GPC6: variants seen among roughly 807,000 people sequenced by gnomAD.
The protein encoded by GPC6 is glypican 6.
In GPC6, 14 loss-of-function variants were observed where a neutral mutation model predicts 55.2. The ratio of observed to expected loss-of-function variants is 0.25; its 90% CI spans 0.17 to 0.40. The LOEUF is 0.40. GPC6 is among the 10% of genes least tolerant of loss of function. The probability of loss-of-function intolerance (pLI) is 1.00; values close to 1 mark genes in which losing one functional copy is unlikely to be tolerated. For synonymous variants in GPC6, 278 were observed against 259.6 expected (o/e 1.07, Z -0.68); for missense variants, 641 against 708.5 (o/e 0.90, Z 1.08).
chr13:93,580,945 TG>T (rs1488282327), intron 2 of GPC6, among the ~76,000 whole-genome samples: 3 of 152,088 alleles, frequency 2.0e-5, no homozygotes. Flanking sequence ...AATATAAAAG[TG>T]TTTTTTTTAA....
intron 1 of GPC6, among the ~76,000 whole-genome samples, chr13:93,533,590 G>A (rs1294322454): frequency 3.3e-5 from 5 of 152,248 alleles, no homozygotes; most frequent in Admixed American, 6.5e-5. Flanking sequence ...TGATCAATTG[G>A]AATTTGGTGT....
At chr13:93,879,872 AAAAC>A (rs1282173179) in intron 3 of GPC6, among the ~76,000 whole-genome samples, 3 of 152,042 alleles carry the variant, frequency 2.0e-5, no homozygotes, top group South Asian at 4.1e-4. Flanking sequence ...TTACAAGAAA[AAAAC>A]AAACAACCCC....
chr13:94,123,551 T>C (rs1886706422), intron 4 of GPC6, among the ~76,000 whole-genome samples: 2 of 152,120 alleles, frequency 1.3e-5, no homozygotes, highest in East Asian at 3.9e-4. Context: ...TCTTGGTTAC[T>C]AAGATATGAT....
intron 4 of GPC6, among the ~76,000 whole-genome samples, chr13:94,144,879 A>C (rs1928124): frequency 0.1 from 15,151 of 152,102 alleles, 854 homozygotes; most frequent in Middle Eastern, 0.18. Flanking sequence ...AATTTTATAC[A>C]TTTAAATTTA....
intron 1 of GPC6, among the ~76,000 whole-genome samples, chr13:93,531,343 G>T (rs1389789161): frequency 6.6e-6 from 1 of 152,088 alleles, no homozygotes; most frequent in Admixed American, 6.6e-5. Context: ...CTCATGTGGT[G>T]TAAGACTGTG....
chr13:93,960,682 C>A (rs745795003), intron 3 of GPC6, among the ~76,000 whole-genome samples: 1 of 152,014 alleles, frequency 6.6e-6, no homozygotes, highest in Non-Finnish European at 1.5e-5. Flanking sequence ...TTTTTTCCAT[C>A]TCATTTGGTT....
intron 1 of GPC6, among the ~76,000 whole-genome samples, chr13:93,488,247 G>A (rs748954344): frequency 7.9e-5 from 12 of 152,068 alleles, no homozygotes; most frequent in Non-Finnish European, 1.6e-4. Context: ...GCGATAGTTT[G>A]CTCATAATGA....
chr13:93,553,275 A>G (rs936625424), intron 2 of GPC6, among the ~76,000 whole-genome samples: 9 of 152,328 alleles, frequency 5.9e-5, no homozygotes, highest in Admixed American at 3.9e-4. Flanking sequence ...AAGATAGTAA[A>G]GCCATAAGAA....
chr13:93,435,188 CACT>C (rs1877521408), intron 1 of GPC6, among the ~76,000 whole-genome samples: 1 of 152,130 alleles, frequency 6.6e-6, no homozygotes, highest in Non-Finnish European at 1.5e-5. Context: ...AGCCATAGCT[CACT>C]ACATCTTTGA....
At chr13:93,240,904 GT>G (rs1163160543) in intron 1 of GPC6, among the ~76,000 whole-genome samples, 3 of 152,036 alleles carry the variant, frequency 2.0e-5, no homozygotes, top group Non-Finnish European at 4.4e-5. Context: ...ATGAAACTAA[GT>G]TTTGCACCAT....
chr13:93,436,252 G>A (rs2139281821), intron 1 of GPC6, among the ~76,000 whole-genome samples: 1 of 152,194 alleles, frequency 6.6e-6, no homozygotes, highest in African/African-American at 2.4e-5. Context: ...AAATGACATT[G>A]AAATCATCTG....
At chr13:93,418,259 G>T (rs1330080660) in intron 1 of GPC6, among the ~76,000 whole-genome samples, 1 of 151,216 alleles carries the variant, frequency 6.6e-6, no homozygotes, top group African/African-American at 2.4e-5. Flanking sequence ...AACCCCTCAA[G>T]CATTTATCCT....
At chr13:93,635,704 G>A (rs1007696959) in intron 2 of GPC6, among the ~76,000 whole-genome samples, 1 of 152,188 alleles carries the variant, frequency 6.6e-6, no homozygotes, top group Non-Finnish European at 1.5e-5. Context: ...TTCCTGGCAT[G>A]ATGTGGTGAG....
At chr13:93,622,635 A>G (rs1426858379) in intron 2 of GPC6, among the ~76,000 whole-genome samples, 2 of 152,292 alleles carry the variant, frequency 1.3e-5, no homozygotes, top group Non-Finnish European at 2.9e-5. Context: ...ATTTTAATTG[A>G]CATGTAATAA....
At chr13:93,283,818 A>G (rs867751344) in intron 1 of GPC6, among the ~76,000 whole-genome samples, 33 of 152,190 alleles carry the variant, frequency 2.2e-4, no homozygotes, top group African/African-American at 7.0e-4. Flanking sequence ...TCACATCCTG[A>G]TATTTCTCTT....
chr13:93,853,571 A>G (rs1484778884), intron 3 of GPC6, among the ~76,000 whole-genome samples: 1 of 151,624 alleles, frequency 6.6e-6, no homozygotes, highest in Non-Finnish European at 1.5e-5. Context: ...CAGAAATAAA[A>G]AAAATATGAA....
At chr13:93,699,855 A>C (rs2138792943) in intron 2 of GPC6, among the ~76,000 whole-genome samples, 1 of 152,176 alleles carries the variant, frequency 6.6e-6, no homozygotes, top group Admixed American at 6.6e-5. Context: ...TCTTAGAGAA[A>C]TCTTTCCTAA....
intron 1 of GPC6, among the ~76,000 whole-genome samples, chr13:93,514,583 C>T (rs1881112522): frequency 6.6e-6 from 1 of 152,190 alleles, no homozygotes; most frequent in South Asian, 2.1e-4. Flanking sequence ...GTCATTGGAA[C>T]TACTCCCACA....
At chr13:93,809,838 A>G (rs907293053) in intron 2 of GPC6, among the ~76,000 whole-genome samples, 6 of 152,150 alleles carry the variant, frequency 3.9e-5, no homozygotes, top group African/African-American at 1.4e-4. Context: ...GCGTGTGTTT[A>G]GTTGGAACGT....
Sources: allele counts gnomAD v4.1 joint callset (sites outside exome capture counted in the v4.1 genomes callset), GRCh38; gene constraint gnomAD v4.1.1; transcripts MANE v1.5; gene names NCBI Gene and HGNC (gene_info 2026-07-23, HGNC 2026-07-21).